Variants in FOCAD observed in about 807,000 individuals in gnomAD.
FOCAD encodes focadhesin.
FOCAD carries 198 observed loss-of-function variants against 225.6 expected under a neutral mutation model. The observed-to-expected ratio is 0.88, with a 90% CI of 0.78 to 0.99. The LOEUF is 0.99. Ranked by LOEUF, FOCAD falls within the 50% of genes least tolerant of loss-of-function variation. The probability of loss-of-function intolerance (pLI) is 0.00; values close to 1 mark genes in which losing one functional copy is unlikely to be tolerated. For missense variants in FOCAD, 2,713 were observed against 2,123.6 expected, an observed-to-expected ratio of 1.28 and a Z score of -5.46; for synonymous variants, 897 against 755.0, an observed-to-expected ratio of 1.19 and a Z score of -3.08.
intron 26 of FOCAD, 45 bp downstream of exon 26, chr9:20,926,462 C>G (rs758608532): frequency 8.3e-7 from 1 of 1,209,842 alleles, no homozygotes; most frequent in Non-Finnish European, 1.2e-6. Flanking sequence ...CAAGAATTGA[C>G]TCTTATGACA....
At chr9:20,737,944 G>A (rs1033997739) in intron 4 of FOCAD, among the ~76,000 whole-genome samples, 16 of 152,198 alleles carry the variant, frequency 1.1e-4, no homozygotes, top group African/African-American at 3.9e-4. Context: ...GAGCAGTTAT[G>A]TTGAGGGATC....
intron 11 of FOCAD, among the ~76,000 whole-genome samples, chr9:20,807,047 C>T (rs914804786): frequency 6.6e-6 from 1 of 152,122 alleles, no homozygotes; most frequent in African/African-American, 2.4e-5. Flanking sequence ...ATGAAAATAA[C>T]AAAACAACCC....
chr9:20,812,733 T>C (rs1823222669), intron 11 of FOCAD, among the ~76,000 whole-genome samples: 1 of 152,126 alleles, frequency 6.6e-6, no homozygotes, highest in South Asian at 2.1e-4. Flanking sequence ...TAAACTCCTA[T>C]CCACATTTTG....
intron 32 of FOCAD, among the ~76,000 whole-genome samples, 183 bp downstream of exon 32, chr9:20,949,111 G>A (rs1837455624): frequency 6.6e-6 from 1 of 152,132 alleles, no homozygotes; most frequent in African/African-American, 2.4e-5. Flanking sequence ...TATTTCTATA[G>A]AGGTTTGTTC....
At chr9:20,667,053 T>C (rs775337503) in intron 2 of FOCAD, among the ~76,000 whole-genome samples, 1 of 152,238 alleles carries the variant, frequency 6.6e-6, no homozygotes, top group Non-Finnish European at 1.5e-5. Flanking sequence ...ACTTTGTATT[T>C]TGGCAAATTT....
intron 2 of FOCAD, among the ~76,000 whole-genome samples, chr9:20,661,694 A>G (rs944292725): frequency 1.4e-4 from 21 of 152,248 alleles, no homozygotes; most frequent in Admixed American, 3.9e-4. Flanking sequence ...ATTGCTAAAC[A>G]TAGGATACAT....
intron 11 of FOCAD, among the ~76,000 whole-genome samples, chr9:20,795,631 A>T (rs1157263666): frequency 6.6e-6 from 1 of 151,820 alleles, no homozygotes; most frequent in Non-Finnish European, 1.5e-5. Context: ...AAAAATACAA[A>T]AACTTAGTCG....
chr9:20,853,072 C>T (rs1375062486), intron 15 of FOCAD, among the ~76,000 whole-genome samples: 1 of 151,666 alleles, frequency 6.6e-6, no homozygotes, highest in Admixed American at 6.6e-5. Context: ...CATATTCTTC[C>T]TATGAATTTG....
chr9:20,875,595 G>C (rs1291132367), intron 19 of FOCAD: 1 of 78,464 alleles, frequency 1.3e-5, no homozygotes, highest in Admixed American at 1.7e-4. Flanking sequence ...GACAGCCTAG[G>C]TGTCTCAAAA....
intron 19 of FOCAD, chr9:20,875,524 G>A (rs1308759711): frequency 1.3e-5 from 2 of 151,884 alleles, no homozygotes; most frequent in African/African-American, 4.8e-5. Flanking sequence ...AAGCTGGGAG[G>A]TGGAGGTTGC....
Position 20,866,922 on chromosome 9 carries a change from TA to T in FOCAD, c.2107-6del, listed in dbSNP as rs1397487977. ...TTTTTTTTTTTTTTTTTTTTTACCC[TA>T]TCTAGGACCCAATTGTAGCAAATGC... On this transcript the variant is annotated splice_region_variant and splice_polypyrimidine_tract_variant and intron_variant, in intron 17 of 43. Transcript: ENST00000338382. The T allele has an allele frequency of 1.1e-5, 5 of 449,048 alleles. No homozygotes were observed. The highest frequency in any genetic ancestry group is 2.0e-5 in the South Asian group (1 of 49,938). The allele number at this position is 449,048 out of a possible 1,614,324, so 27.8% of individuals were successfully genotyped here.
intron 23 of FOCAD, among the ~76,000 whole-genome samples, chr9:20,913,795 C>G (rs947307111): frequency 2.0e-5 from 3 of 152,080 alleles, no homozygotes; most frequent in Non-Finnish European, 4.4e-5. Flanking sequence ...ATCCTATTTG[C>G]TCTTATCTTT....
chr9:20,934,817 C>G (rs1564173402), intron 28 of FOCAD, among the ~76,000 whole-genome samples: 1 of 151,878 alleles, frequency 6.6e-6, no homozygotes, highest in Non-Finnish European at 1.5e-5. Flanking sequence ...TTCTATATAC[C>G]AACAGTGACC....
At chr9:20,827,978 G>T (rs1405628782) in intron 15 of FOCAD, among the ~76,000 whole-genome samples, 1 of 151,958 alleles carries the variant, frequency 6.6e-6, no homozygotes, top group East Asian at 1.9e-4. Context: ...TTTGAGGCTA[G>T]CCTGGGAATC....
upstream of FOCAD, among the ~76,000 whole-genome samples, chr9:20,658,089 C>T (rs567235175): frequency 5.7e-4 from 85 of 148,982 alleles, no homozygotes; most frequent in Non-Finnish European, 8.1e-4. Context: ...TTAGGCTGCT[C>T]AGGGGTCAGG....
intron 1 of FOCAD, among the ~76,000 whole-genome samples, chr9:20,699,887 TTAAAC>T (rs1823798690): frequency 6.9e-6 from 1 of 145,044 alleles, no homozygotes; most frequent in Non-Finnish European, 1.5e-5. Flanking sequence ...AATAAAATTC[TTAAAC>T]TAACTTTATC....
chr9:20,949,148 A>G (rs114530505), intron 32 of FOCAD, among the ~76,000 whole-genome samples: 156 of 152,294 alleles, frequency 1.0e-3, no homozygotes, highest in African/African-American at 3.2e-3. Flanking sequence ...TTTAGAGATT[A>G]AACCTGGCCA....
chr9:20,677,748 C>G (rs1563870227), intron 2 of FOCAD, among the ~76,000 whole-genome samples: 1 of 152,136 alleles, frequency 6.6e-6, no homozygotes, highest in African/African-American at 2.4e-5. Flanking sequence ...TGTAAATTGG[C>G]AGAGCCATGA....
At chr9:20,736,428 C>T (rs970164916) in intron 4 of FOCAD, among the ~76,000 whole-genome samples, 3 of 152,118 alleles carry the variant, frequency 2.0e-5, no homozygotes, top group African/African-American at 7.2e-5. Context: ...TGAAATCATA[C>T]AGAATTCAAC....
Sources: gnomAD v4.1 joint callset for allele counts (sites outside exome capture counted in the v4.1 genomes callset) on GRCh38, gnomAD v4.1.1 for gene constraint, MANE v1.5 for transcripts, NCBI Gene and HGNC (gene_info 2026-07-23, HGNC 2026-07-21) for gene names.